The following SGCZ variants were observed in gnomAD, a reference collection of about 807,000 sequenced individuals.
SGCZ encodes zeta-sarcoglycan.
A neutral mutation model predicts 41.3 loss-of-function variants in SGCZ; 40 were observed. The observed-to-expected ratio is 0.97, with a 90% confidence interval of 0.75 to 1.26. The LOEUF (loss-of-function observed/expected upper bound fraction) is 1.26, where lower values mean the gene tolerates loss of function less well. Ranked by LOEUF, SGCZ falls within the 50% of genes most tolerant of loss-of-function variation. The probability of loss-of-function intolerance (pLI) is 0.00; values close to 1 mark genes in which losing one functional copy is unlikely to be tolerated. For missense variants in SGCZ, 552 were observed against 369.8 expected (o/e 1.49, Z -4.04); for synonymous variants, 206 against 137.5 (o/e 1.50, Z -3.49).
intron 1 of SGCZ, among the ~76,000 whole-genome samples, chr8:15,031,901 TCCTC>T (rs1391629344): frequency 6.1e-5 from 3 of 49,506 alleles, no homozygotes; most frequent in African/African-American, 2.0e-4. Context: ...CCCTCTATAT[TCCTC>T]TCTCTCTCTC....
At chr8:14,179,718 T>A (rs77175663) in intron 4 of SGCZ, among the ~76,000 whole-genome samples, 5,793 of 152,204 alleles carry the variant, frequency 0.038, 177 homozygotes, top group African/African-American at 0.082. Context: ...GTAAGACATG[T>A]AACATACTCT....
At chr8:14,780,892 A>G (rs1411595798) in intron 1 of SGCZ, among the ~76,000 whole-genome samples, 3 of 152,238 alleles carry the variant, frequency 2.0e-5, no homozygotes, top group Non-Finnish European at 2.9e-5. Flanking sequence ...ACACTTAAAA[A>G]AAGCAAATTT....
At chr8:15,174,944 C>G (rs1799953671) in intron 1 of SGCZ, among the ~76,000 whole-genome samples, 2 of 151,934 alleles carry the variant, frequency 1.3e-5, no homozygotes, top group Non-Finnish European at 2.9e-5. Flanking sequence ...GTGGCGATTC[C>G]TCAAATACCT....
chr8:14,549,404 A>C (rs1443327019), intron 2 of SGCZ, among the ~76,000 whole-genome samples: 2 of 152,136 alleles, frequency 1.3e-5, no homozygotes, highest in African/African-American at 4.8e-5. Flanking sequence ...AAGGACATTC[A>C]TTTAAAAATG....
At chr8:14,171,247 G>C (rs967377593) in intron 4 of SGCZ, among the ~76,000 whole-genome samples, 2 of 148,098 alleles carry the variant, frequency 1.4e-5, no homozygotes, top group African/African-American at 5.0e-5. Context: ...TATCAGGGTA[G>C]TTTTGCATAA....
chr8:14,484,199 G>A (rs559685228), intron 2 of SGCZ, among the ~76,000 whole-genome samples: 52 of 152,152 alleles, frequency 3.4e-4, no homozygotes, highest in African/African-American at 1.0e-3. Flanking sequence ...ACTCAATGAC[G>A]TTTGGATGTG....
chr8:14,601,228 T>A (rs1805580156), intron 1 of SGCZ, among the ~76,000 whole-genome samples: 1 of 152,080 alleles, frequency 6.6e-6, no homozygotes, highest in Admixed American at 6.6e-5. Context: ...TAAATCATAA[T>A]GTATACATTC....
At chr8:15,213,899 C>A (rs1169716547) in intron 1 of SGCZ, among the ~76,000 whole-genome samples, 1 of 152,010 alleles carries the variant, frequency 6.6e-6, no homozygotes, top group Admixed American at 6.5e-5. Flanking sequence ...CTAAGCTTTG[C>A]AGCTATGAAT....
chr8:14,652,077 G>A (rs372915387), intron 1 of SGCZ, among the ~76,000 whole-genome samples: 11 of 151,950 alleles, frequency 7.2e-5, no homozygotes, highest in Middle Eastern at 3.4e-3. Context: ...AACAAAACAT[G>A]CTTTTCTGAT....
At chr8:14,172,650 T>A (rs906562988) in intron 4 of SGCZ, among the ~76,000 whole-genome samples, 1 of 152,178 alleles carries the variant, frequency 6.6e-6, no homozygotes, top group African/African-American at 2.4e-5. Context: ...ATACAACGTG[T>A]ACTCCACATT....
intron 1 of SGCZ, among the ~76,000 whole-genome samples, chr8:15,045,057 C>T (rs2130984173): frequency 6.6e-6 from 1 of 151,864 alleles, no homozygotes. Context: ...AAGCCATGTA[C>T]ACAGGAAATC....
intron 1 of SGCZ, among the ~76,000 whole-genome samples, chr8:14,887,523 A>T (rs1804855748): frequency 6.6e-6 from 1 of 152,200 alleles, no homozygotes; most frequent in Non-Finnish European, 1.5e-5. Flanking sequence ...TACTAAAATG[A>T]AAACATTCCA....
chr8:14,511,341 T>C (rs971279697), intron 2 of SGCZ, among the ~76,000 whole-genome samples: 3 of 152,086 alleles, frequency 2.0e-5, no homozygotes, highest in Non-Finnish European at 2.9e-5. Context: ...TGGGAGATTT[T>C]ACTTTTAATT....
intron 2 of SGCZ, among the ~76,000 whole-genome samples, chr8:14,383,482 C>A (rs879482817): frequency 6.6e-6 from 1 of 152,194 alleles, no homozygotes; most frequent in Non-Finnish European, 1.5e-5. Flanking sequence ...CAAAGTGTCC[C>A]ACTCTGGATA....
At chr8:14,179,088 A>G (rs902029905) in intron 4 of SGCZ, among the ~76,000 whole-genome samples, 2 of 152,232 alleles carry the variant, frequency 1.3e-5, no homozygotes, top group Middle Eastern at 3.2e-3. Context: ...CAGTAAATGT[A>G]AAACAATATT....
chr8:14,320,133 T>G (rs1043303746), intron 3 of SGCZ, among the ~76,000 whole-genome samples: 1 of 151,820 alleles, frequency 6.6e-6, no homozygotes, highest in Non-Finnish European at 1.5e-5. Flanking sequence ...TGTAAAGACT[T>G]TGGAGTGGTT....
At chr8:14,342,378 G>C (rs189053954) in intron 2 of SGCZ, among the ~76,000 whole-genome samples, 36 of 152,086 alleles carry the variant, frequency 2.4e-4, no homozygotes, top group African/African-American at 7.2e-4. Context: ...GTGCACTGGC[G>C]CTATCTCGGC....
chr8:14,547,466 T>A (rs188979294), intron 2 of SGCZ, among the ~76,000 whole-genome samples: 161 of 152,256 alleles, frequency 1.1e-3, no homozygotes, highest in African/African-American at 3.3e-3. Flanking sequence ...TCATAAAGAA[T>A]CTTTTTTATG....
At chr8:14,423,727 T>TC (rs1418843435) in intron 2 of SGCZ, among the ~76,000 whole-genome samples, 1 of 152,204 alleles carries the variant, frequency 6.6e-6, no homozygotes, top group Non-Finnish European at 1.5e-5. Flanking sequence ...CATTAATATT[T>TC]CATTTTGCTT....
Sources: gnomAD v4.1 joint callset for allele counts (sites outside exome capture counted in the v4.1 genomes callset) on GRCh38, gnomAD v4.1.1 for gene constraint, MANE v1.5 for transcripts, NCBI Gene and HGNC (gene_info 2026-07-23, HGNC 2026-07-21) for gene names.